Variants in KCNK2 observed in about 807,000 individuals in gnomAD.
KCNK2 encodes the protein potassium channel subfamily K member 2.
KCNK2 carries 21 observed loss-of-function variants against 40.5 expected under a neutral mutation model. That is an observed-to-expected ratio of 0.52 (90% CI 0.37 to 0.75). KCNK2 has a LOEUF of 0.75. KCNK2 is among the 30% of genes least tolerant of loss of function. The pLI, the probability that KCNK2 is intolerant of heterozygous loss-of-function variation, is 0.00. For synonymous variants in KCNK2, 191 were observed against 202.2 expected, an observed-to-expected ratio of 0.94 and a Z score of 0.47; for missense variants, 399 against 531.6, an observed-to-expected ratio of 0.75 and a Z score of 2.45.
intron 1 of KCNK2, among the ~76,000 whole-genome samples, chr1:215,013,008 T>A (rs1165634692): frequency 6.6e-6 from 1 of 152,236 alleles, no homozygotes; most frequent in African/African-American, 2.4e-5. Context: ...TTTGTACTTT[T>A]ATGTTTTACA....
intron 3 of KCNK2, among the ~76,000 whole-genome samples, chr1:215,167,304 T>C (rs911947645): frequency 6.7e-6 from 1 of 150,252 alleles, no homozygotes; most frequent in African/African-American, 2.5e-5. Flanking sequence ...ACTACAATGG[T>C]CATTAAACTG....
intron 3 of KCNK2, among the ~76,000 whole-genome samples, chr1:215,135,423 A>G (rs1293267292): frequency 6.6e-6 from 1 of 152,168 alleles, no homozygotes; most frequent in East Asian, 1.9e-4. Context: ...TTTTTAGGGT[A>G]AGCTAACTTT....
intron 1 of KCNK2, among the ~76,000 whole-genome samples, chr1:215,052,027 G>A (rs937099134): frequency 2.0e-5 from 3 of 152,134 alleles, no homozygotes; most frequent in African/African-American, 7.2e-5. Context: ...TATGTGCCAG[G>A]TGGCTGCTCT....
At chr1:215,177,740 A>ATATATATATTTTTTT (rs71167812) in intron 5 of KCNK2, among the ~76,000 whole-genome samples, 1 of 101,600 alleles carries the variant, frequency 9.8e-6, no homozygotes, top group Non-Finnish European at 2.0e-5. Flanking sequence ...ATATATATAT[A>ATATATATATTTTTTT]TTTTTTTTTT....
At chr1:215,219,975 C>T (rs1259533902) in intron 6 of KCNK2, among the ~76,000 whole-genome samples, 1 of 152,150 alleles carries the variant, frequency 6.6e-6, no homozygotes, top group East Asian at 1.9e-4. Flanking sequence ...GCCCTGAATC[C>T]TCCATTTCTC....
chr1:215,196,486 G>A (rs900834429), intron 6 of KCNK2, among the ~76,000 whole-genome samples: 2 of 152,054 alleles, frequency 1.3e-5, no homozygotes, highest in East Asian at 3.8e-4. Flanking sequence ...TTTCCTAATT[G>A]GGAATTTACT....
chr1:215,166,587 G>A (rs1416321634), intron 3 of KCNK2, among the ~76,000 whole-genome samples: 1 of 152,060 alleles, frequency 6.6e-6, no homozygotes, highest in African/African-American at 2.4e-5. Context: ...ACTGGTGGCT[G>A]CTTTGAGAAT....
chr1:215,233,430 A>C (rs1294834219), intron 6 of KCNK2, among the ~76,000 whole-genome samples: 1 of 148,910 alleles, frequency 6.7e-6, no homozygotes, highest in African/African-American at 2.5e-5. Flanking sequence ...GGATATTTGA[A>C]GTTTCATTTC....
At chr1:215,161,741 G>C (rs1312628841) in intron 3 of KCNK2, among the ~76,000 whole-genome samples, 2 of 152,034 alleles carry the variant, frequency 1.3e-5, no homozygotes, top group Non-Finnish European at 2.9e-5. Context: ...CCATATCCCT[G>C]CAAAGGACAA....
chr1:215,059,717 G>A (rs1658304146), intron 1 of KCNK2, among the ~76,000 whole-genome samples: 1 of 152,150 alleles, frequency 6.6e-6, no homozygotes, highest in African/African-American at 2.4e-5. Context: ...AAAAGAAGAG[G>A]AAGTAAAAGA....
intron 1 of KCNK2, among the ~76,000 whole-genome samples, chr1:215,016,733 C>T (rs1444982572): frequency 6.6e-6 from 1 of 151,916 alleles, no homozygotes; most frequent in African/African-American, 2.4e-5. Flanking sequence ...CAAATGAAAG[C>T]AAAAACAGAC....
chr1:215,023,778 AT>A (rs966112829), intron 1 of KCNK2, among the ~76,000 whole-genome samples: 2 of 152,236 alleles, frequency 1.3e-5, no homozygotes, highest in African/African-American at 2.4e-5. Context: ...AGGTGAAGAA[AT>A]TTGCATGAGA....
chr1:215,046,268 C>T (rs1327625618), intron 1 of KCNK2, among the ~76,000 whole-genome samples: 1 of 151,808 alleles, frequency 6.6e-6, no homozygotes, highest in Non-Finnish European at 1.5e-5. Context: ...TGGCCCTTGG[C>T]ATAAAAAGGT....
intron 6 of KCNK2, among the ~76,000 whole-genome samples, chr1:215,201,840 T>C (rs10864160): frequency 0.99 from 150,879 of 152,316 alleles, 74,750 homozygotes; most frequent in East Asian, 1. Flanking sequence ...CAGTTCTTAA[T>C]GTAGCCTGCT....
At chr1:215,068,324 A>C (rs1387910212) in intron 1 of KCNK2, among the ~76,000 whole-genome samples, 1 of 152,178 alleles carries the variant, frequency 6.6e-6, no homozygotes, top group Non-Finnish European at 1.5e-5. Flanking sequence ...AGAAATATGC[A>C]GGTACAGTAT....
chr1:215,222,224 G>A (rs1666208808), intron 6 of KCNK2, among the ~76,000 whole-genome samples: 1 of 151,548 alleles, frequency 6.6e-6, no homozygotes, highest in Non-Finnish European at 1.5e-5. Context: ...AGATTTGGGT[G>A]GGGACAACTA....
chr1:215,223,299 G>A (rs1425977142), intron 6 of KCNK2, among the ~76,000 whole-genome samples: 1 of 148,682 alleles, frequency 6.7e-6, no homozygotes, highest in South Asian at 2.2e-4. Flanking sequence ...TACTTGAGTT[G>A]GCTGTTGGTA....
chr1:215,067,029 G>T (rs1369082598), intron 1 of KCNK2, among the ~76,000 whole-genome samples: 3 of 152,108 alleles, frequency 2.0e-5, no homozygotes, highest in South Asian at 4.1e-4. Flanking sequence ...AACTCCAGGA[G>T]AGTGGTTATT....
intron 2 of KCNK2, among the ~76,000 whole-genome samples, chr1:215,107,546 G>A (rs182995098): frequency 6.6e-6 from 1 of 152,098 alleles, no homozygotes; most frequent in African/African-American, 2.4e-5. Flanking sequence ...CCATCCTAAG[G>A]GGTATATGTG....
Sources: gnomAD v4.1 joint callset for allele counts (sites outside exome capture counted in the v4.1 genomes callset) on GRCh38, gnomAD v4.1.1 for gene constraint, MANE v1.5 for transcripts, NCBI Gene and HGNC (gene_info 2026-07-23, HGNC 2026-07-21) for gene names.